PREPL: variants seen among roughly 807,000 people sequenced by gnomAD.
The protein encoded by PREPL is prolyl endopeptidase like, also known as prolyl endopeptidase-like.
PREPL carries 77 observed loss-of-function variants against 70.6 expected under a neutral mutation model. The observed-to-expected ratio is 1.09, with a 90% confidence interval of 0.91 to 1.32. PREPL has a LOEUF of 1.32. Among genes scored for constraint, PREPL ranks in the 40% most tolerant of loss-of-function variants. The probability of loss-of-function intolerance (pLI) is 0.00; values close to 1 mark genes in which losing one functional copy is unlikely to be tolerated. For missense variants in PREPL, 1,002 were observed against 778.2 expected (o/e 1.29, Z -3.42); for synonymous variants, 315 against 264.8 (o/e 1.19, Z -1.84).
chr2:44,344,674 C>G, intron 2 of PREPL, 88 bp from the exon 3 acceptor site: 2 of 995,536 alleles, frequency 2.0e-6, no homozygotes, highest in Non-Finnish European at 2.9e-6. Context: ...GAAATGAAGA[C>G]TCTTATAAAA....
Position 44,328,930 on chromosome 2 carries a change from G to A in PREPL, c.1262+7C>T. 3.1e-6 allele frequency: 5 copies of A among 1,608,616 alleles called. No homozygotes were observed. The highest frequency in any genetic ancestry group is 1.1e-5 in the South Asian group (1 of 89,660). ...ACTTACATGCCAGGTAAAATATACT[G>A]ACTCACCGAACATGGCAGTATGCTA... On this transcript the variant is annotated splice_region_variant and intron_variant, in intron 9 of 13. Coordinates refer to ENST00000409411, the MANE Select transcript of PREPL (RefSeq NM_001171613.2).
At chr2:44,353,434 A>G (rs947590615) in intron 1 of PREPL, among the ~76,000 whole-genome samples, 1 of 151,970 alleles carries the variant, frequency 6.6e-6, no homozygotes, top group Non-Finnish European at 1.5e-5. Context: ...AAAATAAAAA[A>G]AAAATTAGCT....
rs144145203 is a variant in PREPL at position 44,352,077 on chromosome 2, C to T, written c.-48-5687G>A. Among the ~76,000 whole-genome samples the T allele has an allele frequency of 3.5e-3, 532 of 152,284 alleles. 5 individuals carry two copies. The highest frequency in any genetic ancestry group is 3.7e-3 in the Admixed American group (57 of 15,300). On this transcript the variant is annotated intron_variant, in intron 1 of 13. Coordinates refer to ENST00000409411, the MANE Select transcript of PREPL (RefSeq NM_001171613.2). The stretch of plus-strand genomic sequence containing the variant: ...GTTTCTTAGAACTTGGGCCCTATGC[C>T]CAAATACCTCCTTAAAGCTATTGCT...
rs777564297 is a variant in PREPL, at chr2:44,320,443, G to T, written c.*913C>A. 1 of 1,614,102 alleles carries T rather than the reference G, an allele frequency of 6.2e-7. No homozygotes were observed. The highest frequency in any genetic ancestry group is 1.7e-5 in the Admixed American group (1 of 60,008). On this transcript the variant is annotated 3_prime_UTR_variant, in exon 14 of 14. Coordinates refer to ENST00000409411, the MANE Select transcript of PREPL (RefSeq NM_001171613.2). ...GGCCTTCCCGCTAAAATGAGAATAA[G>T]GTTAAGTACCAATTCTGCCGACAAA...
At chr2:44,335,465 A>C (rs1674542201) in intron 7 of PREPL, among the ~76,000 whole-genome samples, 1 of 152,214 alleles carries the variant, frequency 6.6e-6, no homozygotes, top group Non-Finnish European at 1.5e-5. Context: ...AAGATGTCTA[A>C]ATTTGGCACC....
chr2:44,342,173 G>A (rs1675297240), intron 5 of PREPL, among the ~76,000 whole-genome samples: 2 of 152,106 alleles, frequency 1.3e-5, no homozygotes, highest in South Asian at 4.1e-4. Flanking sequence ...AATGAACTAT[G>A]TTGTAATTCA....
intron 1 of PREPL, among the ~76,000 whole-genome samples, chr2:44,349,235 C>A (rs1676142782): frequency 6.6e-6 from 1 of 152,132 alleles, no homozygotes; most frequent in Non-Finnish European, 1.5e-5. Flanking sequence ...GCCCTTCAGT[C>A]AAGACTAATT....
At position 44,326,831 on chromosome 2, in the gene PREPL, G is replaced by A. The variant is rs1303543846; in HGVS notation, c.1360C>T (p.His454Tyr). 1.2e-6 allele frequency: 2 copies of A among 1,614,178 alleles called. No individual in the cohort carries two copies. The highest frequency in any genetic ancestry group is 3.3e-5 in the Admixed American group (2 of 60,016). Residue 454 changes from histidine to tyrosine, a missense_variant, in exon 10 of 14, where the codon CAT (histidine) becomes TAT (tyrosine). His to Tyr is a moderately conservative substitution (Grantham distance 83). Transcript: ENST00000409411. Reference sequence around the variant, plus strand: ...CTTGGCTGAGAAAAGCCTTGGCCATGAAGCGTCTTAATGCAAGCCTCTAAA... The same window carrying A: ...CTTGGCTGAGAAAAGCCTTGGCCATAAAGCGTCTTAATGCAAGCCTCTAAA... ...ADLEACIKTL[H>Y]GQGFSQPSLT... is the part of the protein sequence containing the mutation.
chr2:44,354,705 G>A (rs1401889886), intron 1 of PREPL, among the ~76,000 whole-genome samples: 1 of 152,120 alleles, frequency 6.6e-6, no homozygotes, highest in African/African-American at 2.4e-5. Flanking sequence ...GTCCCGAGTA[G>A]CTGGGATTAC....
chr2:44,345,246 T>C (rs1675669588), intron 2 of PREPL, among the ~76,000 whole-genome samples: 1 of 152,224 alleles, frequency 6.6e-6, no homozygotes, highest in Admixed American at 6.5e-5. Context: ...GTGGCGTAAT[T>C]TGAATCTGGA....
chr2:44,344,992 C>T (rs1325749398), intron 2 of PREPL, among the ~76,000 whole-genome samples: 5 of 152,122 alleles, frequency 3.3e-5, no homozygotes, highest in Non-Finnish European at 7.4e-5. Context: ...CTCAGACTAG[C>T]CTGAAAACCC....
Position 44,358,740 on chromosome 2 carries a change from G to A in PREPL, c.-49+2640C>T, listed in dbSNP as rs183824023. Among the ~76,000 whole-genome samples, 50 of 152,222 alleles carry A rather than the reference G, an allele frequency of 3.3e-4. 1 individual carries two copies. Among genetic ancestry groups the A allele is most frequent in the African/African-American group, 1.1e-3 (45 of 41,526 alleles). ...AGGTTGAGTTCACGCCCACAGCTTG[G>A]GGTCTGGCAGAAGTACAATACTCTG... On this transcript the variant is annotated intron_variant, in intron 1 of 13. Coordinates refer to ENST00000409411, the MANE Select transcript of PREPL (RefSeq NM_001171613.2).
At chr2:44,359,875 A>C in intron 1 of PREPL, 1 of 587,934 alleles carries the variant, frequency 1.7e-6, no homozygotes, top group Non-Finnish European at 3.0e-6. Flanking sequence ...GAATAACTTC[A>C]GACAGCTGAT....
intron 1 of PREPL, among the ~76,000 whole-genome samples, chr2:44,361,037 G>A (rs1677714709): frequency 6.6e-6 from 1 of 152,166 alleles, no homozygotes; most frequent in Admixed American, 6.5e-5. Context: ...GTAAAAAAAG[G>A]GGAAAAAAGA....
Position 44,326,761 on chromosome 2 carries a change from C to T in PREPL, c.1430G>A (p.Gly477Glu), listed in dbSNP as rs751045968. 2 of 1,614,132 alleles carry T rather than the reference C, an allele frequency of 1.2e-6. No individual in the cohort carries two copies. Among genetic ancestry groups the T allele is most frequent in the Non-Finnish European group, 1.7e-6 (2 of 1,180,026 alleles). Residue 477 changes from glycine to glutamate, a missense_variant, in exon 10 of 14, where the codon GGA becomes GAA. Coordinates refer to ENST00000409411, the MANE Select transcript of PREPL (RefSeq NM_001171613.2). Reference protein sequence around the residue: ...TAFSAGGVLAGALCNSNPELV... With the variant: ...TAFSAGGVLAEALCNSNPELV... ...CTCTGGATTAGAATTACACAATGCT[C>T]CTGCAAGCACCCCTCCAGCACTGAA...
intron 8 of PREPL, among the ~76,000 whole-genome samples, chr2:44,329,393 A>G (rs1035111490): frequency 6.6e-6 from 1 of 152,240 alleles, no homozygotes; most frequent in Non-Finnish European, 1.5e-5. Flanking sequence ...ATGTAATTTT[A>G]AAGAGTTCTT....
intron 6 of PREPL, 73 bp downstream of exon 6, chr2:44,339,074 G>A (rs1674940876): frequency 1.3e-6 from 2 of 1,574,180 alleles, no homozygotes; most frequent in South Asian, 2.3e-5. Flanking sequence ...AGCTCTTGGA[G>A]CAAGAAATGT....
At chr2:44,338,594 C>T in intron 6 of PREPL, 58 bp from the exon 7 acceptor site, 2 of 1,379,658 alleles carry the variant, frequency 1.4e-6, no homozygotes, top group Non-Finnish European at 2.0e-6. Flanking sequence ...CTGCAGCATC[C>T]AGAGATGCAA....
chr2:44,346,050 A>C (rs1572901464), intron 2 of PREPL, among the ~76,000 whole-genome samples: 1 of 152,118 alleles, frequency 6.6e-6, no homozygotes, highest in East Asian at 1.9e-4. Context: ...TTGAAAATTC[A>C]TCTTACTTTC....
Sources: gnomAD v4.1 joint callset for allele counts (sites outside exome capture counted in the v4.1 genomes callset) on GRCh38, gnomAD v4.1.1 for gene constraint, MANE v1.5 for transcripts, NCBI Gene and HGNC (gene_info 2026-07-23, HGNC 2026-07-21) for gene names.